The following MMP16 variants were observed in gnomAD, a reference collection of about 807,000 sequenced individuals.
MMP16 encodes the protein matrix metalloproteinase-16.
A neutral mutation model predicts 67.8 loss-of-function variants in MMP16; 12 were observed. The observed-to-expected ratio is 0.18, with a 90% CI of 0.11 to 0.29. MMP16 has a LOEUF of 0.29. Among genes scored for constraint, MMP16 ranks in the 10% least tolerant of loss-of-function variants. The probability of loss-of-function intolerance (pLI) is 1.00; values close to 1 mark genes in which losing one functional copy is unlikely to be tolerated. For synonymous variants in MMP16, 249 were observed against 255.9 expected (o/e 0.97, Z 0.26); for missense variants, 475 against 765.7 (o/e 0.62, Z 4.48).
intron 6 of MMP16, among the ~76,000 whole-genome samples, chr8:88,097,376 C>G (rs1809046599): frequency 6.6e-6 from 1 of 151,618 alleles, no homozygotes; most frequent in Non-Finnish European, 1.5e-5. Context: ...TCCCCAAATA[C>G]TAACTTTGGG....
At chr8:88,280,716 C>CA (rs1810719641) in intron 1 of MMP16, among the ~76,000 whole-genome samples, 1 of 152,012 alleles carries the variant, frequency 6.6e-6, no homozygotes, top group Admixed American at 6.6e-5. Context: ...CATGCCTCCA[C>CA]AAAAAAATTA....
chr8:88,157,461 TA>T, intron 4 of MMP16, among the ~76,000 whole-genome samples: 1 of 152,058 alleles, frequency 6.6e-6, no homozygotes, highest in Middle Eastern at 3.4e-3. Flanking sequence ...GGATGGCATA[TA>T]AATCCCTTAC....
At position 88,072,265 on chromosome 8, in the gene MMP16, T is replaced by C. The variant is rs538938455; in HGVS notation, c.1222+2340A>G. On this transcript the variant is annotated intron_variant, in intron 7 of 9. Coordinates refer to ENST00000286614, the MANE Select transcript of MMP16 (RefSeq NM_005941.5). ...GTGGTGAGGGTGGTGGAGGGGGTCA[T>C]TTCACTTCAGAAGCCCAGGGTGCTA... Among the ~76,000 whole-genome samples, 11 of 152,122 alleles carry C rather than the reference T, an allele frequency of 7.2e-5. 1 individual carries two copies. The South Asian group carries it at 2.3e-3, about 32-fold the overall frequency.
At chr8:88,172,977 TATC>T (rs1808829352) in intron 3 of MMP16, among the ~76,000 whole-genome samples, 1 of 152,204 alleles carries the variant, frequency 6.6e-6, no homozygotes, top group Non-Finnish European at 1.5e-5. Context: ...ATTGATGTCT[TATC>T]ATTAGATCAA....
intron 1 of MMP16, among the ~76,000 whole-genome samples, chr8:88,222,879 A>C (rs2129850823): frequency 6.6e-6 from 1 of 152,330 alleles, no homozygotes; most frequent in Middle Eastern, 3.4e-3. Context: ...TCTGCACAGC[A>C]AAAGAAACTA....
rs34562051 is a variant in MMP16, at chr8:88,034,238, TA to T, written c.*7222del. 0.22 allele frequency: 26,190 copies of T among 117,210 alleles called. 2,420 individuals carry two copies. Among genetic ancestry groups the T allele is most frequent in the East Asian group, 0.31 (1,334 of 4,238 alleles). 7.3% of individuals were successfully genotyped at this position (117,210 alleles called of 1,614,324 possible). On this transcript the variant is annotated 3_prime_UTR_variant, in exon 10 of 10. Transcript: ENST00000286614. The stretch of plus-strand genomic sequence containing the variant: ...AAGGGAAGGGAAAACCAAATCTGTG[TA>T]AAAAAAAAAAAAAAAGGCAAGATAG...
At chr8:88,237,894 C>A (rs1809970343) in intron 1 of MMP16, among the ~76,000 whole-genome samples, 1 of 152,088 alleles carries the variant, frequency 6.6e-6, no homozygotes. Context: ...CAATATGAGT[C>A]ACTATAAGTA....
intron 6 of MMP16, among the ~76,000 whole-genome samples, chr8:88,087,985 A>G (rs905090244): frequency 3.5e-5 from 5 of 142,394 alleles, no homozygotes; most frequent in Non-Finnish European, 7.4e-5. Flanking sequence ...ATACATATAT[A>G]TCTATATCTA....
chr8:88,055,025 T>C (rs185545265), intron 8 of MMP16, among the ~76,000 whole-genome samples: 1 of 152,222 alleles, frequency 6.6e-6, no homozygotes, highest in East Asian at 1.9e-4. Flanking sequence ...TACTTATGAA[T>C]TTCTCATTGT....
chr8:88,234,067 T>A (rs932057865), intron 1 of MMP16, among the ~76,000 whole-genome samples: 2 of 152,356 alleles, frequency 1.3e-5, no homozygotes, highest in South Asian at 4.1e-4. Flanking sequence ...CAATGAATCA[T>A]TAAATCAGTG....
At chr8:88,226,744 CTGACCAGGGTCTCTTCTGCCTATTTCAGT>C (rs1418766121) in intron 1 of MMP16, among the ~76,000 whole-genome samples, 1 of 151,998 alleles carries the variant, frequency 6.6e-6, no homozygotes, top group Non-Finnish European at 1.5e-5. Context: ...TCCGAGAGTG[CTGACCAGGGTCTCTTCTGCCTATTTCAGT>C]TGACCATTCT....
At chr8:88,166,438 C>G (rs1808711634) in intron 4 of MMP16, among the ~76,000 whole-genome samples, 1 of 151,416 alleles carries the variant, frequency 6.6e-6, no homozygotes, top group Non-Finnish European at 1.5e-5. Flanking sequence ...GAAACACATG[C>G]CTCTTATATT....
At chr8:88,214,729 T>TG (rs1392232733) in intron 1 of MMP16, among the ~76,000 whole-genome samples, 5 of 152,202 alleles carry the variant, frequency 3.3e-5, no homozygotes, top group Non-Finnish European at 7.3e-5. Flanking sequence ...ACTGATCTCT[T>TG]GAACTTATTC....
chr8:88,306,438 C>A (rs1446228743), intron 1 of MMP16, among the ~76,000 whole-genome samples: 1 of 152,120 alleles, frequency 6.6e-6, no homozygotes. Flanking sequence ...TTTTATGACA[C>A]CAACATCATC....
At chr8:88,149,623 T>G (rs1289011747) in intron 4 of MMP16, among the ~76,000 whole-genome samples, 1 of 151,278 alleles carries the variant, frequency 6.6e-6, no homozygotes. Flanking sequence ...CACGGCAGGG[T>G]ATTCCAACAG....
intron 1 of MMP16, among the ~76,000 whole-genome samples, chr8:88,287,617 T>A (rs554095575): frequency 2.1e-4 from 32 of 152,282 alleles, no homozygotes; most frequent in African/African-American, 7.7e-4. Flanking sequence ...CCAATAAATA[T>A]GTATCAAACA....
intron 1 of MMP16, among the ~76,000 whole-genome samples, chr8:88,220,230 CTCAATTATTTTATAGTTTATTT>C (rs1809659860): frequency 6.6e-6 from 1 of 152,026 alleles, no homozygotes; most frequent in Non-Finnish European, 1.5e-5. Flanking sequence ...TCCATATTTC[CTCAATTATTTTATAGTTTATTT>C]TTATAGCTTG....
intron 1 of MMP16, among the ~76,000 whole-genome samples, chr8:88,281,127 T>C (rs1810728642): frequency 6.6e-6 from 1 of 152,192 alleles, no homozygotes. Flanking sequence ...ATTCCAAATT[T>C]TCCCTCACTT....
chr8:88,148,885 G>T (rs539937132), intron 4 of MMP16, among the ~76,000 whole-genome samples: 70 of 152,284 alleles, frequency 4.6e-4, no homozygotes, highest in Non-Finnish European at 8.5e-4. Context: ...GAACAGCTCC[G>T]GTCTACAGCT....
Sources: gnomAD v4.1 joint callset for allele counts (sites outside exome capture counted in the v4.1 genomes callset) on GRCh38, gnomAD v4.1.1 for gene constraint, MANE v1.5 for transcripts, NCBI Gene and HGNC (gene_info 2026-07-23, HGNC 2026-07-21) for gene names.